Variants in PPM1H observed in about 807,000 individuals in gnomAD.
PPM1H encodes protein phosphatase, Mg2+/Mn2+ dependent 1H.
A neutral mutation model predicts 54.9 loss-of-function variants in PPM1H; 27 were observed. The ratio of observed to expected loss-of-function variants is 0.49; its 90% CI spans 0.36 to 0.68. The LOEUF (loss-of-function observed/expected upper bound fraction) is 0.68. Among genes scored for constraint, PPM1H ranks in the 30% least tolerant of loss-of-function variants. The pLI, the probability that PPM1H is intolerant of heterozygous loss-of-function variation, is 0.00. For synonymous variants in PPM1H, 305 were observed against 270.8 expected (o/e 1.13, Z -1.24); for missense variants, 596 against 667.8 (o/e 0.89, Z 1.19).
In PPM1H at chr12:62,758,151, C is replaced by A. The variant is rs1322484667; in HGVS notation, c.870-20565G>T. Among the ~76,000 whole-genome samples the A allele has an allele frequency of 1.1e-4, 16 of 152,300 alleles. 1 individual carries two copies. The highest frequency in any genetic ancestry group is 1.5e-4 in the Non-Finnish European group (10 of 68,032). ...CAATAATAGATTTAAAAAGTTAATA[C>A]TTTCTTGTGTTTGGCTGGAATCACT... On this transcript the variant is annotated intron_variant, in intron 4 of 9. Coordinates refer to ENST00000228705, the MANE Select transcript of PPM1H (RefSeq NM_020700.2).
At chr12:62,883,336 C>G (rs1199762258) in intron 1 of PPM1H, among the ~76,000 whole-genome samples, 1 of 152,074 alleles carries the variant, frequency 6.6e-6, no homozygotes, top group Admixed American at 6.5e-5. Context: ...ACCAGTACTG[C>G]CCCCACCCAT....
intron 4 of PPM1H, among the ~76,000 whole-genome samples, chr12:62,744,626 T>C (rs2076400282): frequency 6.6e-6 from 1 of 151,938 alleles, no homozygotes; most frequent in African/African-American, 2.4e-5. Context: ...ATGTGAGGAG[T>C]CTGATTCCAT....
chr12:62,811,826 T>C lies in PPM1H; in HGVS notation c.412-9666A>G, dbSNP rs2076837372. On this transcript the variant is annotated intron_variant, in intron 2 of 9. Coordinates refer to ENST00000228705, the MANE Select transcript of PPM1H (RefSeq NM_020700.2). ...CTCCCCAGCCATGCTGAACTGTGAG[T>C]CAATTAAACCTCTTTCCTTTATAAA... 1.3e-5 allele frequency among the ~76,000 whole-genome samples: 2 copies of C among 152,182 alleles called. 1 individual carries two copies. Among genetic ancestry groups the C allele is most frequent in the Non-Finnish European group, 2.9e-5 (2 of 68,036 alleles).
intron 1 of PPM1H, among the ~76,000 whole-genome samples, chr12:62,916,593 G>T (rs1298146654): frequency 2.0e-5 from 3 of 151,748 alleles, no homozygotes; most frequent in Non-Finnish European, 4.4e-5. Flanking sequence ...CTCAGGAAAA[G>T]ATATGTACTT....
At chr12:62,748,567 C>CACGT (rs59465927) in intron 4 of PPM1H, among the ~76,000 whole-genome samples, 1 of 148,418 alleles carries the variant, frequency 6.7e-6, no homozygotes, top group Non-Finnish European at 1.5e-5. Flanking sequence ...CACACACACA[C>CACGT]GTGTGAGGAA....
intron 1 of PPM1H, among the ~76,000 whole-genome samples, chr12:62,882,904 A>C (rs892661576): frequency 3.4e-5 from 5 of 146,462 alleles, no homozygotes; most frequent in African/African-American, 1.3e-4. Flanking sequence ...TGGTATGGCC[A>C]CCCTCCACCC....
At chr12:62,898,021 T>C (rs1274581416) in intron 1 of PPM1H, among the ~76,000 whole-genome samples, 2 of 152,154 alleles carry the variant, frequency 1.3e-5, no homozygotes, top group African/African-American at 4.8e-5. Flanking sequence ...GGGTACCAAC[T>C]GTATAGTCCA....
intron 6 of PPM1H, among the ~76,000 whole-genome samples, chr12:62,710,441 A>G (rs1369837506): frequency 1.3e-5 from 2 of 151,802 alleles, no homozygotes; most frequent in African/African-American, 2.4e-5. Flanking sequence ...CTGAGGCATC[A>G]AAATCGCTTG....
At chr12:62,873,192 A>G (rs1870046601) in intron 1 of PPM1H, among the ~76,000 whole-genome samples, 1 of 152,186 alleles carries the variant, frequency 6.6e-6, no homozygotes. Context: ...AATAATTGGT[A>G]AGACTAAGCA....
intron 3 of PPM1H, among the ~76,000 whole-genome samples, chr12:62,793,914 C>T (rs1467348838): frequency 6.6e-6 from 1 of 152,012 alleles, no homozygotes; most frequent in Non-Finnish European, 1.5e-5. Context: ...TTTCAGGTTG[C>T]AAAAGGAAAG....
At chr12:62,877,561 C>T (rs969895485) in intron 1 of PPM1H, among the ~76,000 whole-genome samples, 25 of 152,214 alleles carry the variant, frequency 1.6e-4, no homozygotes, top group African/African-American at 6.0e-4. Flanking sequence ...TCTCTATTCT[C>T]TGAACTCTCC....
chr12:62,843,764 A>C (rs1451581450), intron 1 of PPM1H, among the ~76,000 whole-genome samples: 2 of 152,236 alleles, frequency 1.3e-5, no homozygotes, highest in Admixed American at 6.5e-5. Context: ...TTTTAACTGA[A>C]AACAATCTGC....
intron 1 of PPM1H, among the ~76,000 whole-genome samples, chr12:62,862,659 T>A (rs1869642881): frequency 6.6e-6 from 1 of 152,310 alleles, no homozygotes; most frequent in African/African-American, 2.4e-5. Context: ...TCTTCTCTGA[T>A]GAAACAAACC....
chr12:62,719,331 A>C (rs1214158045), intron 6 of PPM1H, among the ~76,000 whole-genome samples: 1 of 152,158 alleles, frequency 6.6e-6, no homozygotes, highest in Non-Finnish European at 1.5e-5. Context: ...TCTTTTGGAG[A>C]TATGGGGAAG....
At chr12:62,659,024 G>A in intron 9 of PPM1H, 4 of 725,066 alleles carry the variant, frequency 5.5e-6, no homozygotes, top group Non-Finnish European at 5.1e-6. Flanking sequence ...AACAGCACAT[G>A]CTGCCCAGTG....
intron 5 of PPM1H, among the ~76,000 whole-genome samples, chr12:62,722,420 G>T (rs749356836): frequency 1.3e-5 from 2 of 152,178 alleles, no homozygotes; most frequent in Non-Finnish European, 2.9e-5. Context: ...TCCTGGAGAG[G>T]TTAAGACCTA....
At chr12:62,658,881 T>C (rs934533057) in intron 9 of PPM1H, 1 of 631,344 alleles carries the variant, frequency 1.6e-6, no homozygotes, top group Non-Finnish European at 3.0e-6. Flanking sequence ...AAGAAGTTCA[T>C]CCAGCACCAG....
chr12:62,872,728 T>C (rs1870029560), intron 1 of PPM1H, among the ~76,000 whole-genome samples: 1 of 152,206 alleles, frequency 6.6e-6, no homozygotes, highest in South Asian at 2.1e-4. Context: ...TCAGGATGTG[T>C]GGAAATTCTT....
At chr12:62,925,024 C>A (rs1871931740) in intron 1 of PPM1H, among the ~76,000 whole-genome samples, 1 of 152,112 alleles carries the variant, frequency 6.6e-6, no homozygotes, top group African/African-American at 2.4e-5. Context: ...GCCTGAGCGA[C>A]AGAGCAAGAT....
Sources: gnomAD v4.1 joint callset for allele counts (sites outside exome capture counted in the v4.1 genomes callset) on GRCh38, gnomAD v4.1.1 for gene constraint, MANE v1.5 for transcripts, NCBI Gene and HGNC (gene_info 2026-07-23, HGNC 2026-07-21) for gene names.